The following TNRC18 variants were observed in gnomAD, a reference collection of about 807,000 sequenced individuals.
TNRC18 encodes trinucleotide repeat-containing gene 18 protein.
In TNRC18, 69 loss-of-function variants were observed where a neutral mutation model predicts 226.7. The ratio of observed to expected loss-of-function variants is 0.30; its 90% CI spans 0.25 to 0.37. The LOEUF (loss-of-function observed/expected upper bound fraction) is 0.37, where lower values mean the gene tolerates loss of function less well. Ranked by LOEUF, TNRC18 falls within the 10% of genes least tolerant of loss-of-function variation. The probability of loss-of-function intolerance (pLI) is 1.00; values close to 1 mark genes in which losing one functional copy is unlikely to be tolerated. For synonymous variants in TNRC18, 2,449 were observed against 1,927.6 expected, an observed-to-expected ratio of 1.27 and a Z score of -7.09; for missense variants, 4,754 against 4,256.6, an observed-to-expected ratio of 1.12 and a Z score of -3.25.
chr7:5,403,683 G>A (rs987269851), intron 2 of TNRC18, among the ~76,000 whole-genome samples: 4 of 151,914 alleles, frequency 2.6e-5, no homozygotes, highest in Non-Finnish European at 4.4e-5. Flanking sequence ...TCCCAGCTAC[G>A]TGGGAGGTTG....
At chr7:5,339,037 C>T (rs991935448) in intron 18 of TNRC18, among the ~76,000 whole-genome samples, 8 of 151,696 alleles carry the variant, frequency 5.3e-5, no homozygotes, top group Non-Finnish European at 1.2e-4. Flanking sequence ...ATGGCTCACA[C>T]CTGTAGTCCC....
At chr7:5,403,858 T>G (rs1164377374) in intron 2 of TNRC18, among the ~76,000 whole-genome samples, 3 of 151,058 alleles carry the variant, frequency 2.0e-5, no homozygotes, top group African/African-American at 7.3e-5. Flanking sequence ...ATAGACTCAG[T>G]CAAACCAGAA....
rs1368573276 is a variant in TNRC18 at position 5,324,479 on chromosome 7, C to T, written c.6301-124G>A. The T allele has an allele frequency of 1.3e-5, 17 of 1,349,280 alleles. No individual in the cohort carries two copies. Among genetic ancestry groups the T allele is most frequent in the Non-Finnish European group, 1.6e-5 (16 of 990,980 alleles). The allele number at this position is 1,349,280 out of a possible 1,614,324, so 83.6% of individuals were successfully genotyped here. A position where few individuals can be genotyped will look rare whatever the true frequency, so the allele number is the denominator to read the frequency against. On this transcript the variant is annotated intron_variant, in intron 20 of 29. Transcript: ENST00000430969. The surrounding 1 kb of genome is among the most constrained non-coding windows in gnomAD (Gnocchi z 4.8). ...CAGGGGGAATCTGTCATGTGCATGG[C>T]AGGGATCCCAGTTAGGGGCACCCCA...
In TNRC18 at chr7:5,387,892, T is replaced by G. The variant is rs938160203; in HGVS notation, c.1932A>C (p.Ala644=). The change falls in exon 5 of 30, where the codon GCA becomes GCC. Residue 644 remains alanine (A), a synonymous_variant. Coordinates refer to ENST00000430969, the MANE Select transcript of TNRC18 (RefSeq NM_001080495.3). ...GCTTCAGCTGCCGGCCGCCGCCCGC[T>G]GCAGGGCCTCCGGAGTGTGGGAGAC... is the stretch of plus-strand genomic sequence containing the variant. The part of the protein sequence containing the change: ...QARLPHSGGP[A]AGGGRQLKRD... The G allele has an allele frequency of 1.3e-6, 2 of 1,591,848 alleles. No homozygotes were observed. The highest frequency in any genetic ancestry group is 1.7e-6 in the Non-Finnish European group (2 of 1,170,996).
intron 18 of TNRC18, among the ~76,000 whole-genome samples, chr7:5,338,741 A>G (rs1402299930): frequency 1.3e-5 from 2 of 151,072 alleles, no homozygotes; most frequent in Non-Finnish European, 3.0e-5. Flanking sequence ...ACCAACATGG[A>G]GAAACCCCGT....
In TNRC18 at chr7:5,356,838, GA is replaced by G. The variant is rs1792469948; in HGVS notation, c.5194+77del. The stretch of plus-strand genomic sequence containing the variant: ...AGAGAGAGAGTGAGGGGCGGGGGGG[GA>G]AGGAGGACGGTGGAGAGAAGAGGGG... On this transcript the variant is annotated intron_variant, in intron 16 of 29. Transcript: ENST00000430969. 3.6e-5 allele frequency: 52 copies of G among 1,430,880 alleles called. No individual in the cohort carries two copies. The Admixed American group carries it at 3.7e-4, about 10-fold the overall frequency. 88.6% of individuals were successfully genotyped at this position (1,430,880 alleles called of 1,614,324 possible). A position where few individuals can be genotyped will look rare whatever the true frequency, so the allele number is the denominator to read the frequency against.
At chr7:5,420,302 G>T (rs1160884336) in intron 2 of TNRC18, 2 of 444,948 alleles carry the variant, frequency 4.5e-6, no homozygotes, top group South Asian at 3.2e-5. Flanking sequence ...CGCCGCCTGG[G>T]CCCTGCCCGA....
chr7:5,380,035 T>C lies in TNRC18; in HGVS notation c.2153-2011A>G, dbSNP rs151283901. On this transcript the variant is annotated intron_variant, in intron 5 of 29. Coordinates refer to ENST00000430969, the MANE Select transcript of TNRC18 (RefSeq NM_001080495.3). ...AGACAAGGTCCCCACCCAGCTGTCC[T>C]AACTGGGGTCTACAGCGGCCCCACA... 1.2e-3 allele frequency among the ~76,000 whole-genome samples: 188 copies of C among 152,298 alleles called. 1 individual carries two copies. Among genetic ancestry groups the C allele is most frequent in the Middle Eastern group, 3.4e-3 (1 of 294 alleles).
At chr7:5,359,345 C>T in intron 15 of TNRC18, 53 bp downstream of exon 15, 1 of 1,599,172 alleles carries the variant, frequency 6.3e-7, no homozygotes, top group African/African-American at 1.3e-5. Context: ...TTAACACACC[C>T]TCCAGACACC....
At chr7:5,403,548 T>C (rs1331465420) in intron 2 of TNRC18, among the ~76,000 whole-genome samples, 1 of 152,062 alleles carries the variant, frequency 6.6e-6, no homozygotes, top group Non-Finnish European at 1.5e-5. Flanking sequence ...ATCCTAGGAC[T>C]TTGGGAGGCT....
chr7:5,398,159 C>G (rs913765260), intron 2 of TNRC18, among the ~76,000 whole-genome samples: 1 of 149,134 alleles, frequency 6.7e-6, no homozygotes, highest in Non-Finnish European at 1.5e-5. Flanking sequence ...CATCATCAGG[C>G]CCAGCAAAAA....
intron 18 of TNRC18, among the ~76,000 whole-genome samples, chr7:5,334,461 A>AC (rs1789881346): frequency 7.1e-6 from 1 of 140,236 alleles, no homozygotes; most frequent in Non-Finnish European, 1.5e-5. Flanking sequence ...CACGCCTGGC[A>AC]TTTTTTTTTT....
Position 5,312,976 on chromosome 7 carries a change from A to G in TNRC18, c.7915T>C (p.Ser2639Pro). 9.1e-7 allele frequency: 1 copy of G among 1,103,754 alleles called. No homozygotes were observed. Among genetic ancestry groups the G allele is most frequent in the Non-Finnish European group, 1.3e-6 (1 of 766,998 alleles). The allele number at this position is 1,103,754 out of a possible 1,614,324, so 68.4% of individuals were successfully genotyped here. ...GAAGACGAAGAGGAAGAGGAGGAGG[A>G]GGAAGAGGAGGAGGAGGAAGAGGAG... ...SSSSSSSSSS[S>P]SSSSSSSSSS... Residue 2639 changes from serine to proline, a missense_variant, in exon 27 of 30, where the codon TCC (serine) becomes CCC (proline). By Grantham distance (74) the Ser-to-Pro change is moderately conservative. Coordinates refer to ENST00000430969, the MANE Select transcript of TNRC18 (RefSeq NM_001080495.3). The surrounding 1 kb of genome is among the most constrained non-coding windows in gnomAD (Gnocchi z 6.3).
chr7:5,377,480 C>T lies in TNRC18; in HGVS notation c.2352G>A (p.Ala784=), dbSNP rs1022773594. Residue 784 remains alanine, a synonymous_variant, in exon 7 of 30, where the codon GCG becomes GCA. Coordinates refer to ENST00000430969, the MANE Select transcript of TNRC18 (RefSeq NM_001080495.3). This position sits in a 1 kb window ranked among gnomAD's most constrained non-coding sequence, Gnocchi z 5.8. ...CAGACCAGCGACCTGAGCCCGCCAG[C>T]GCCGGGCCCCCCGTCACCATGAGGT... is the stretch of plus-strand genomic sequence containing the variant. ...NPNLMVTGGP[A]LAGSGRWSAD... 3 of 1,581,686 alleles carry T rather than the reference C, an allele frequency of 1.9e-6. No individual in the cohort carries two copies. The highest frequency in any genetic ancestry group is 2.3e-5 in the East Asian group (1 of 43,040).
chr7:5,320,071 A>G (rs1788192867), intron 24 of TNRC18: 3 of 465,630 alleles, frequency 6.4e-6, no homozygotes, highest in Non-Finnish European at 7.9e-6. Flanking sequence ...GTAAAATACA[A>G]TCTCCAAGGA....
At position 5,423,832 on chromosome 7, in the gene TNRC18, T is replaced by G. The variant is rs1782706405; in HGVS notation, c.-635A>C. Among the ~76,000 whole-genome samples the G allele has an allele frequency of 8.1e-6, 1 of 124,040 alleles. No individual in the cohort carries two copies. Among genetic ancestry groups the G allele is most frequent in the Non-Finnish European group, 1.6e-5 (1 of 60,828 alleles). The allele number at this position is 124,040 out of a possible 152,430, so 81.4% of individuals were successfully genotyped here. On this transcript the variant is annotated 5_prime_UTR_variant, in exon 1 of 30. Transcript: ENST00000430969. ...CCCCTTTCAAGTTCCTCTCGCAGGA[T>G]CTAAAAAAAAAAAAAAAAAGGCAGC...
intron 19 of TNRC18, among the ~76,000 whole-genome samples, chr7:5,329,627 G>A (rs1443727016): frequency 2.1e-5 from 3 of 142,536 alleles, no homozygotes; most frequent in Non-Finnish European, 4.5e-5. Flanking sequence ...AGGTTGCAGT[G>A]AGCCGAGTTT....
chr7:5,416,773 C>T (rs923777045), intron 2 of TNRC18, among the ~76,000 whole-genome samples: 1 of 151,994 alleles, frequency 6.6e-6, no homozygotes, highest in African/African-American at 2.4e-5. Context: ...AGGAGGATCT[C>T]CTGAGCCCAG....
In TNRC18 at chr7:5,390,468, C is replaced by G. The variant is rs1159437654; in HGVS notation, c.487+17G>C. On this transcript the variant is annotated intron_variant, in intron 4 of 29. Coordinates refer to ENST00000430969, the MANE Select transcript of TNRC18 (RefSeq NM_001080495.3). ...GAAGGCCCCTGTGCCACCCCCAACC[C>G]CGGACTCCAGTCTTACCTCCTCCTG... 3 of 1,613,374 alleles carry G rather than the reference C, an allele frequency of 1.9e-6. No individual in the cohort carries two copies. The highest frequency in any genetic ancestry group is 2.5e-6 in the Non-Finnish European group (3 of 1,179,830).
Sources: gnomAD v4.1 joint callset for allele counts (sites outside exome capture counted in the v4.1 genomes callset) on GRCh38, gnomAD v4.1.1 for gene constraint, Gnocchi (gnomAD v3.1) non-coding constraint, MANE v1.5 for transcripts, NCBI Gene and HGNC (gene_info 2026-07-23, HGNC 2026-07-21) for gene names.